INPP5D: variants seen among roughly 807,000 people sequenced by gnomAD.
INPP5D encodes inositol polyphosphate-5-phosphatase D, also known as phosphatidylinositol 3,4,5-trisphosphate 5-phosphatase 1.
A neutral mutation model predicts 122.9 loss-of-function variants in INPP5D; 33 were observed. That is an observed-to-expected ratio of 0.27 (90% CI 0.20 to 0.36). INPP5D has a LOEUF of 0.36. Ranked by LOEUF, INPP5D falls within the 10% of genes least tolerant of loss-of-function variation. The pLI, the probability that INPP5D is intolerant of heterozygous loss-of-function variation, is 1.00. For synonymous variants in INPP5D, 584 were observed against 576.2 expected, an observed-to-expected ratio of 1.01 and a Z score of -0.19; for missense variants, 1,053 against 1,412.7, an observed-to-expected ratio of 0.75 and a Z score of 4.08.
At chr2:233,141,975 T>C (rs1228405176) in intron 6 of INPP5D, among the ~76,000 whole-genome samples, 1 of 152,220 alleles carries the variant, frequency 6.6e-6, no homozygotes, top group African/African-American at 2.4e-5. Context: ...GAATGATGGG[T>C]TAATTTCTAA....
chr2:233,173,026 C>G (rs371591383), intron 17 of INPP5D, among the ~76,000 whole-genome samples: 1 of 152,008 alleles, frequency 6.6e-6, no homozygotes, highest in African/African-American at 2.4e-5. Context: ...CTGGCCAACA[C>G]GGTGAAACCT....
Position 233,168,940 on chromosome 2 carries a change from G to A in INPP5D, c.1556-365G>A, listed in dbSNP as rs542974045. 3.6e-5 allele frequency: 9 copies of A among 249,720 alleles called. No individual in the cohort carries two copies. The South Asian group carries it at 4.9e-4, about 14-fold the overall frequency. 15.5% of individuals were successfully genotyped at this position (249,720 alleles called of 1,614,324 possible). A position where few individuals can be genotyped will look rare whatever the true frequency, so the allele number is the denominator to read the frequency against. ...CAGTGTGGGTTTTTGGTCTCCCCAG[G>A]AAACTTGAGTTCACTGGGAGGGAGA... On this transcript the variant is annotated intron_variant, in intron 13 of 26. Transcript: ENST00000445964.
At chr2:233,140,159 T>C (rs1252230147) in intron 6 of INPP5D, 1 of 326,692 alleles carries the variant, frequency 3.1e-6, no homozygotes. Flanking sequence ...TTTCAAATTA[T>C]GCACTCATCA....
chr2:233,067,397 T>C (rs1029300293), intron 1 of INPP5D, among the ~76,000 whole-genome samples: 3 of 152,252 alleles, frequency 2.0e-5, no homozygotes, highest in African/African-American at 7.2e-5. Context: ...GGCTGACTAA[T>C]GAGCCACTGT....
chr2:233,131,228 T>C (rs918211741), intron 5 of INPP5D: 1 of 592,372 alleles, frequency 1.7e-6, no homozygotes, highest in Non-Finnish European at 2.1e-6. Flanking sequence ...TTGATGAAAG[T>C]TAATTTCAAG....
rs1694655964 is a variant in INPP5D at position 233,176,994 on chromosome 2, G to A, written c.1990-271G>A. Among the ~76,000 whole-genome samples, 3 of 152,060 alleles carry A rather than the reference G, an allele frequency of 2.0e-5. No individual in the cohort carries two copies. The South Asian group carries it at 6.2e-4, about 31-fold the overall frequency. ...TGAGTCAGAAAGAAAGTAAGAGAAGGTGAAGATACAAGGGATACTGAAGTA... is the reference window on the plus strand; with the variant it reads ...TGAGTCAGAAAGAAAGTAAGAGAAGATGAAGATACAAGGGATACTGAAGTA... On this transcript the variant is annotated intron_variant, in intron 17 of 26. Transcript: ENST00000445964.
intron 9 of INPP5D, among the ~76,000 whole-genome samples, chr2:233,154,832 G>T (rs193074157): frequency 3.3e-5 from 5 of 152,298 alleles, no homozygotes; most frequent in Non-Finnish European, 7.3e-5. Context: ...AACTGGTCCT[G>T]TTAAGAATTC....
chr2:233,186,296 C>T (rs998831008), intron 21 of INPP5D, among the ~76,000 whole-genome samples: 1 of 152,174 alleles, frequency 6.6e-6, no homozygotes, highest in African/African-American at 2.4e-5. Flanking sequence ...ACCCCAAGAC[C>T]CCGATCCCCT....
intron 17 of INPP5D, among the ~76,000 whole-genome samples, chr2:233,175,611 T>C (rs1694601850): frequency 6.6e-6 from 1 of 152,192 alleles, no homozygotes; most frequent in South Asian, 2.1e-4. Context: ...TAGTACACTT[T>C]ATGTAAGTTG....
intron 13 of INPP5D, chr2:233,169,018 C>T (rs1258329570): frequency 1.9e-5 from 7 of 374,058 alleles, no homozygotes; most frequent in African/African-American, 4.1e-5. Context: ...TCTGGCTGCC[C>T]GCTTAGCACC....
At chr2:233,150,948 CA>C (rs1329802154) in intron 9 of INPP5D, among the ~76,000 whole-genome samples, 2 of 152,088 alleles carry the variant, frequency 1.3e-5, no homozygotes, top group East Asian at 1.9e-4. Context: ...GGGAACGGGA[CA>C]GGGGGTTAGT....
At chr2:233,187,455 A>G (rs778320514) in intron 21 of INPP5D, among the ~76,000 whole-genome samples, 1 of 152,186 alleles carries the variant, frequency 6.6e-6, no homozygotes, top group Non-Finnish European at 1.5e-5. Flanking sequence ...TTAAAAGGAC[A>G]GTCTTAAGCA....
rs541898515 is a variant in INPP5D, at chr2:233,160,669, A to G, written c.1138-1055A>G. ...TCTTTTCTGAGACAGGGTCTTGTTCAGTTGCCCCGGCTGAAGTGCAGTGGC... is the reference window on the plus strand; with the variant it reads ...TCTTTTCTGAGACAGGGTCTTGTTCGGTTGCCCCGGCTGAAGTGCAGTGGC... On this transcript the variant is annotated intron_variant, in intron 10 of 26. Coordinates refer to ENST00000445964, the MANE Select transcript of INPP5D (RefSeq NM_001017915.3). This position sits in a 1 kb window ranked among gnomAD's most constrained non-coding sequence, Gnocchi z 4.2. 1.3e-5 allele frequency among the ~76,000 whole-genome samples: 2 copies of G among 151,602 alleles called. No homozygotes were observed. Among genetic ancestry groups the G allele is most frequent in the Admixed American group, 1.3e-4 (2 of 15,228 alleles).
intron 2 of INPP5D, among the ~76,000 whole-genome samples, chr2:233,084,191 T>C (rs1045174191): frequency 7.2e-5 from 11 of 152,204 alleles, no homozygotes; most frequent in Non-Finnish European, 1.5e-4. Flanking sequence ...GTAGCTGAGA[T>C]TACAGGTGTG....
At chr2:233,108,862 T>G (rs1574732578) in intron 2 of INPP5D, among the ~76,000 whole-genome samples, 1 of 152,232 alleles carries the variant, frequency 6.6e-6, no homozygotes, top group East Asian at 1.9e-4. Flanking sequence ...AGCCTAGGGC[T>G]CTGTGCCAGG....
At chr2:233,144,355 G>GGTGATGGTGAGGGTGGAGGTGGTAGTA (rs1693694309) in intron 6 of INPP5D, among the ~76,000 whole-genome samples, 1 of 144,778 alleles carries the variant, frequency 6.9e-6, no homozygotes, top group Admixed American at 6.8e-5. Flanking sequence ...AGATGGTGGT[G>GGTGATGGTGAGGGTGGAGGTGGTAGTA]GTGATGGTGA....
chr2:233,178,629 C>T (rs1358170908), intron 18 of INPP5D, among the ~76,000 whole-genome samples: 3 of 152,006 alleles, frequency 2.0e-5, no homozygotes, highest in Admixed American at 6.6e-5. Context: ...ATATCAGGCA[C>T]GCAGCACCAC....
chr2:233,172,524 G>A (rs375132360), intron 17 of INPP5D, among the ~76,000 whole-genome samples: 1 of 152,212 alleles, frequency 6.6e-6, no homozygotes, highest in Non-Finnish European at 1.5e-5. Context: ...GATATATTGC[G>A]AGACCTGATT....
intron 2 of INPP5D, 52 bp downstream of exon 2, chr2:233,079,450 C>A: frequency 8.8e-7 from 1 of 1,134,822 alleles, no homozygotes; most frequent in Non-Finnish European, 1.3e-6. Context: ...CCGATACTGG[C>A]AGAGAAAGGG....
Sources: allele counts gnomAD v4.1 joint callset (sites outside exome capture counted in the v4.1 genomes callset), GRCh38; gene constraint gnomAD v4.1.1; non-coding constraint Gnocchi (gnomAD v3.1); transcripts MANE v1.5; gene names NCBI Gene and HGNC (gene_info 2026-07-23, HGNC 2026-07-21).